The following ITGA9 variants were observed in gnomAD, a reference collection of about 807,000 sequenced individuals.
The protein encoded by ITGA9 is integrin alpha-9.
ITGA9 carries 56 observed loss-of-function variants against 127.8 expected under a neutral mutation model. That is an observed-to-expected ratio of 0.44 (90% CI 0.35 to 0.55). The LOEUF is 0.55. Ranked by LOEUF, ITGA9 falls within the 20% of genes least tolerant of loss-of-function variation. The probability of loss-of-function intolerance (pLI) is 0.00; values close to 1 mark genes in which losing one functional copy is unlikely to be tolerated. For synonymous variants in ITGA9, 508 were observed against 514.5 expected, an observed-to-expected ratio of 0.99 and a Z score of 0.17; for missense variants, 1,196 against 1,347.1, an observed-to-expected ratio of 0.89 and a Z score of 1.76.
At chr3:37,474,344 A>G (rs2125554964) in intron 3 of ITGA9, among the ~76,000 whole-genome samples, 1 of 152,348 alleles carries the variant, frequency 6.6e-6, no homozygotes, top group Non-Finnish European at 1.5e-5. Flanking sequence ...CAATAATCAC[A>G]AATGGTTACT....
At chr3:37,555,443 T>C (rs979665396) in intron 15 of ITGA9, among the ~76,000 whole-genome samples, 1 of 152,252 alleles carries the variant, frequency 6.6e-6, no homozygotes, top group African/African-American at 2.4e-5. Flanking sequence ...TTTTTACTTT[T>C]CTATACTTTT....
At chr3:37,679,568 A>G (rs1700715305) in intron 17 of ITGA9, among the ~76,000 whole-genome samples, 1 of 151,958 alleles carries the variant, frequency 6.6e-6, no homozygotes, top group African/African-American at 2.4e-5. Flanking sequence ...TCATCTGTAA[A>G]ATGTGAAGGG....
chr3:37,756,332 A>G (rs1158733412), intron 23 of ITGA9, among the ~76,000 whole-genome samples: 4 of 152,214 alleles, frequency 2.6e-5, no homozygotes, highest in African/African-American at 9.6e-5. Context: ...GAAATTTTAT[A>G]TAACCAACAA....
At chr3:37,688,311 G>T (rs1341442217) in intron 18 of ITGA9, among the ~76,000 whole-genome samples, 2 of 152,096 alleles carry the variant, frequency 1.3e-5, no homozygotes, top group Non-Finnish European at 2.9e-5. Flanking sequence ...AACTACTCAA[G>T]AATACAAAAG....
intron 23 of ITGA9, among the ~76,000 whole-genome samples, chr3:37,776,057 T>C (rs1465578629): frequency 6.6e-6 from 1 of 152,176 alleles, no homozygotes; most frequent in Non-Finnish European, 1.5e-5. Flanking sequence ...TGGAGGCCAT[T>C]ATCCCTAGCA....
intron 15 of ITGA9, among the ~76,000 whole-genome samples, chr3:37,572,445 C>T (rs1307485665): frequency 2.6e-5 from 4 of 152,126 alleles, no homozygotes; most frequent in African/African-American, 7.2e-5. Context: ...GTCACATCAT[C>T]GCTGTGTGAT....
intron 15 of ITGA9, among the ~76,000 whole-genome samples, chr3:37,604,224 G>A (rs1482778119): frequency 1.3e-5 from 2 of 152,246 alleles, no homozygotes; most frequent in Non-Finnish European, 2.9e-5. Context: ...TGGAGAAGGA[G>A]TGGGGAGAAA....
intron 2 of ITGA9, 74 bp downstream of exon 2, chr3:37,471,208 G>A: frequency 6.4e-7 from 1 of 1,555,492 alleles, no homozygotes; most frequent in Non-Finnish European, 8.9e-7. Flanking sequence ...TCCCAGGATG[G>A]CCTGATCATT....
At chr3:37,510,944 T>C (rs1407677521) in intron 8 of ITGA9, among the ~76,000 whole-genome samples, 1 of 152,238 alleles carries the variant, frequency 6.6e-6, no homozygotes, top group African/African-American at 2.4e-5. Flanking sequence ...CAACTTATTC[T>C]ACTTCTTGCC....
At chr3:37,532,875 G>A (rs192140721) in intron 13 of ITGA9, among the ~76,000 whole-genome samples, 16 of 152,296 alleles carry the variant, frequency 1.1e-4, no homozygotes, top group African/African-American at 3.9e-4. Flanking sequence ...TGCAGTTCAT[G>A]CTCATAATGG....
Position 37,480,876 on chromosome 3 carries a change from A to G in ITGA9, c.421-608A>G, listed in dbSNP as rs1698545312. ...TTTTGCCCTCCTGCAGTCTCCACCA[A>G]GCAGCCAAATGGTCTTTCCAAACTG... On this transcript the variant is annotated intron_variant, in intron 3 of 27. Transcript: ENST00000264741. Among the ~76,000 whole-genome samples the G allele has an allele frequency of 2.0e-5, 3 of 152,126 alleles. No homozygotes were observed. The South Asian group carries it at 6.2e-4, about 32-fold the overall frequency.
chr3:37,464,597 C>G (rs2125549480), intron 1 of ITGA9, among the ~76,000 whole-genome samples: 1 of 152,324 alleles, frequency 6.6e-6, no homozygotes, highest in East Asian at 1.9e-4. Flanking sequence ...CTAAGAGACA[C>G]AGCTTGTCAG....
intron 17 of ITGA9, among the ~76,000 whole-genome samples, chr3:37,668,842 G>A (rs899048043): frequency 2.0e-5 from 3 of 152,168 alleles, no homozygotes; most frequent in Non-Finnish European, 2.9e-5. Context: ...CTGTGGCTTC[G>A]CTTTGTCCCC....
chr3:37,544,774 G>A (rs867199426), intron 15 of ITGA9, among the ~76,000 whole-genome samples: 10 of 152,212 alleles, frequency 6.6e-5, no homozygotes, highest in Non-Finnish European at 1.3e-4. Context: ...CATGCAAGGA[G>A]GTGGGAGCGG....
chr3:37,750,728 A>T lies in ITGA9; in HGVS notation c.2541+159A>T, dbSNP rs553759025. ...CTGGAGAGGCCAGGGGACCTGTGAT[A>T]CCTGAATTTCTACATTGAGACCATT... On this transcript the variant is annotated intron_variant, in intron 23 of 27. Coordinates refer to ENST00000264741, the MANE Select transcript of ITGA9 (RefSeq NM_002207.3). Among the ~76,000 whole-genome samples, 14 of 152,372 alleles carry T rather than the reference A, an allele frequency of 9.2e-5. No individual in the cohort carries two copies. The South Asian group carries it at 2.9e-3, about 32-fold the overall frequency.
chr3:37,539,960 A>G (rs1039888785), intron 14 of ITGA9, among the ~76,000 whole-genome samples: 3 of 152,200 alleles, frequency 2.0e-5, no homozygotes, highest in Admixed American at 6.5e-5. Flanking sequence ...CTGGCTTGCC[A>G]GGCACATGGA....
At chr3:37,617,443 A>G (rs539638990) in intron 15 of ITGA9, among the ~76,000 whole-genome samples, 1 of 152,142 alleles carries the variant, frequency 6.6e-6, no homozygotes, top group South Asian at 2.1e-4. Context: ...TATGTGTCTT[A>G]GAGTTGCTCT....
At chr3:37,730,891 G>A (rs975984214) in intron 18 of ITGA9, among the ~76,000 whole-genome samples, 7 of 152,198 alleles carry the variant, frequency 4.6e-5, no homozygotes, top group African/African-American at 7.2e-5. Context: ...TAGCATATAC[G>A]TGCCACGGGG....
At chr3:37,756,872 C>T (rs1332392935) in intron 23 of ITGA9, among the ~76,000 whole-genome samples, 1 of 152,084 alleles carries the variant, frequency 6.6e-6, no homozygotes, top group Admixed American at 6.6e-5. Flanking sequence ...AAACAACCAA[C>T]CAAAAACAAA....
Sources: gnomAD v4.1 joint callset for allele counts (sites outside exome capture counted in the v4.1 genomes callset) on GRCh38, gnomAD v4.1.1 for gene constraint, MANE v1.5 for transcripts, NCBI Gene and HGNC (gene_info 2026-07-23, HGNC 2026-07-21) for gene names.